The following PRKG2 variants were observed in gnomAD, a reference collection of about 807,000 sequenced individuals.
PRKG2 encodes cGMP-dependent protein kinase 2.
PRKG2 carries 33 observed loss-of-function variants against 97.2 expected under a neutral mutation model. That is an observed-to-expected ratio of 0.34 (90% CI 0.26 to 0.45). The LOEUF (loss-of-function observed/expected upper bound fraction) is 0.45, where lower values mean the gene tolerates loss of function less well. Ranked by LOEUF, PRKG2 falls within the 20% of genes least tolerant of loss-of-function variation. The pLI is 1.00. For synonymous variants in PRKG2, 330 were observed against 321.8 expected, an observed-to-expected ratio of 1.03 and a Z score of -0.27; for missense variants, 638 against 900.0, an observed-to-expected ratio of 0.71 and a Z score of 3.73.
intron 14 of PRKG2, among the ~76,000 whole-genome samples, chr4:81,122,617 T>C (rs1440271852): frequency 6.6e-6 from 1 of 152,194 alleles, no homozygotes; most frequent in Non-Finnish European, 1.5e-5. Context: ...AGGCCTTTTT[T>C]TTCCTGGGCT....
intron 8 of PRKG2, 112 bp downstream of exon 8, chr4:81,151,848 G>C (rs903331686): frequency 1.3e-6 from 1 of 766,626 alleles, no homozygotes; most frequent in Non-Finnish European, 2.2e-6. Flanking sequence ...TTTAATATTA[G>C]GATATTTGTT....
At position 81,204,853 on chromosome 4, in the gene PRKG2, A is replaced by C. The variant is rs1278472990; in HGVS notation, c.195T>G (p.Ile65Met). The C allele has an allele frequency of 1.2e-6, 2 of 1,614,040 alleles. No homozygotes were observed. Among genetic ancestry groups the C allele is most frequent in the Non-Finnish European group, 1.7e-6 (2 of 1,180,042 alleles). ...TCTGGAGCTCCTCTGTGAGTTCAGC[A>C]ATGGCCACAGTCTGCTTCGACAGCT... ...REQLSKQTVA[I>M]AELTEELQNK... Residue 65 changes from isoleucine to methionine, a missense_variant, in exon 2 of 19, where the codon ATT becomes ATG. Physicochemically the swap from Ile to Met is conservative, Grantham distance 10 (BLOSUM62 1). Around this residue, in one of 3 missense-constraint regions of PRKG2, gnomAD observed 332 missense variants for 421.7 expected, o/e 0.79. Transcript: ENST00000264399.
At chr4:81,137,729 A>C (rs1336597297) in intron 12 of PRKG2, among the ~76,000 whole-genome samples, 1 of 152,140 alleles carries the variant, frequency 6.6e-6, no homozygotes, top group African/African-American at 2.4e-5. Flanking sequence ...TCTCAGTTTT[A>C]CCGTAAAAAT....
At chr4:81,115,819 C>A (rs997869939) in intron 14 of PRKG2, among the ~76,000 whole-genome samples, 3 of 152,170 alleles carry the variant, frequency 2.0e-5, no homozygotes, top group Non-Finnish European at 4.4e-5. Flanking sequence ...TAATTTAGGT[C>A]TTTTAAACAT....
intron 9 of PRKG2, among the ~76,000 whole-genome samples, chr4:81,146,040 G>C (rs747600183): frequency 3.3e-5 from 5 of 151,990 alleles, no homozygotes; most frequent in African/African-American, 9.7e-5. Flanking sequence ...ACTGACCTTT[G>C]TCGACTGAAG....
intron 14 of PRKG2, among the ~76,000 whole-genome samples, chr4:81,132,676 C>A (rs1578395664): frequency 6.6e-6 from 1 of 152,092 alleles, no homozygotes; most frequent in African/African-American, 2.4e-5. Flanking sequence ...TTAATCTTAT[C>A]AAGAGGGTAG....
chr4:81,160,395 G>A (rs1749510466), intron 6 of PRKG2, among the ~76,000 whole-genome samples: 2 of 151,986 alleles, frequency 1.3e-5, no homozygotes, highest in Non-Finnish European at 2.9e-5. Context: ...TCAGGCATGG[G>A]GTCCAAAGAT....
intron 12 of PRKG2, among the ~76,000 whole-genome samples, chr4:81,138,966 T>G (rs1162527493): frequency 6.6e-6 from 1 of 152,230 alleles, no homozygotes; most frequent in Non-Finnish European, 1.5e-5. Flanking sequence ...AAAGAGTCTT[T>G]TAAAGCATTT....
At chr4:81,151,449 C>T (rs1379868601) in intron 8 of PRKG2, among the ~76,000 whole-genome samples, 1 of 151,974 alleles carries the variant, frequency 6.6e-6, no homozygotes, top group East Asian at 1.9e-4. Flanking sequence ...TAAACTCATA[C>T]CTCAAGACTG....
At chr4:81,131,186 A>T (rs1185815560) in intron 14 of PRKG2, among the ~76,000 whole-genome samples, 2 of 149,246 alleles carry the variant, frequency 1.3e-5, no homozygotes, top group African/African-American at 2.6e-5. Context: ...CTGGGGCCGG[A>T]ATTCACCATT....
chr4:81,159,919 T>A (rs1749462656), intron 6 of PRKG2, among the ~76,000 whole-genome samples: 1 of 129,648 alleles, frequency 7.7e-6, no homozygotes, highest in Admixed American at 9.9e-5. Context: ...TGAGAACACA[T>A]GGACACAGGA....
At chr4:81,183,614 C>G (rs1186429111) in intron 2 of PRKG2, among the ~76,000 whole-genome samples, 2 of 151,864 alleles carry the variant, frequency 1.3e-5, no homozygotes, top group Non-Finnish European at 2.9e-5. Flanking sequence ...TTTCATACCC[C>G]CGTGGTGCCT....
At chr4:81,216,685 C>T (rs1478280154), upstream of PRKG2, among the ~76,000 whole-genome samples, 1 of 152,022 alleles carries the variant, frequency 6.6e-6, no homozygotes, top group African/African-American at 2.4e-5. Flanking sequence ...ACCCACCTCC[C>T]ACCCTCCCAC....
At chr4:81,102,475 T>A (rs548709056) in intron 17 of PRKG2, among the ~76,000 whole-genome samples, 17 of 152,122 alleles carry the variant, frequency 1.1e-4, no homozygotes, top group Non-Finnish European at 2.1e-4. Context: ...CATTTCATGA[T>A]GAGAAAAGAA....
intron 2 of PRKG2, among the ~76,000 whole-genome samples, chr4:81,202,511 T>C (rs946548728): frequency 5.3e-5 from 8 of 152,156 alleles, no homozygotes; most frequent in Admixed American, 2.0e-4. Flanking sequence ...GCATGGATGA[T>C]ACAGTTTTTG....
At position 81,171,614 on chromosome 4, in the gene PRKG2, G is replaced by T. The variant is rs1414680497; in HGVS notation, c.742+77C>A. 5 of 1,054,738 alleles carry T rather than the reference G, an allele frequency of 4.7e-6. No homozygotes were observed. In the East Asian group the frequency reaches 1.3e-4, roughly 27 times the overall value. 65.3% of individuals were successfully genotyped at this position (1,054,738 alleles called of 1,614,324 possible). ...AAATGGGAAACAGACTGTGGATCAG[G>T]GTGCAAATGTGACTGGACTAGATTA... On this transcript the variant is annotated intron_variant, in intron 4 of 18. Transcript: ENST00000264399.
intron 5 of PRKG2, among the ~76,000 whole-genome samples, chr4:81,169,387 GT>G (rs1329443983): frequency 6.6e-6 from 1 of 151,972 alleles, no homozygotes; most frequent in Non-Finnish European, 1.5e-5. Context: ...AATAATTTAG[GT>G]TTTTTGCACA....
At chr4:81,145,548 T>C (rs1025415216) in intron 9 of PRKG2, among the ~76,000 whole-genome samples, 1 of 152,164 alleles carries the variant, frequency 6.6e-6, no homozygotes, top group African/African-American at 2.4e-5. Flanking sequence ...AGGTTTCTCA[T>C]AGGCCTGATC....
At chr4:81,118,381 T>C (rs761827190) in intron 14 of PRKG2, among the ~76,000 whole-genome samples, 2 of 152,226 alleles carry the variant, frequency 1.3e-5, no homozygotes, top group African/African-American at 2.4e-5. Context: ...GATCATATGG[T>C]AAAGGTATGA....
Sources: gnomAD v4.1 joint callset for allele counts (sites outside exome capture counted in the v4.1 genomes callset) on GRCh38, gnomAD v4.1.1 for gene constraint, gnomAD v4.1.1 regional missense constraint, MANE v1.5 for transcripts, NCBI Gene and HGNC (gene_info 2026-07-23, HGNC 2026-07-21) for gene names.